Variants in RNF121 observed in about 807,000 individuals in gnomAD.
The protein encoded by RNF121 is ring finger protein 121, also known as E3 ubiquitin ligase RNF121.
In RNF121, 21 loss-of-function variants were observed where a neutral mutation model predicts 46.5. The ratio of observed to expected loss-of-function variants is 0.45; its 90% CI spans 0.32 to 0.65. RNF121 has a LOEUF of 0.65. Ranked by LOEUF, RNF121 falls within the 30% of genes least tolerant of loss-of-function variation. The probability of loss-of-function intolerance (pLI) is 0.04; values close to 1 mark genes in which losing one functional copy is unlikely to be tolerated. For synonymous variants in RNF121, 139 were observed against 144.7 expected (o/e 0.96, Z 0.28); for missense variants, 346 against 416.0 (o/e 0.83, Z 1.46).
At position 71,994,801 on chromosome 11, in the gene RNF121, T is replaced by C. The variant is rs1279720459; in HGVS notation, c.710T>C (p.Val237Ala). Residue 237 changes from valine to alanine, a missense_variant, in exon 7 of 9, where the codon GTC becomes GCC. By Grantham distance (64) the Val-to-Ala change is moderately conservative (BLOSUM62 0). Coordinates refer to ENST00000361756, the MANE Select transcript of RNF121 (RefSeq NM_018320.5). ...AVCGQQIFVD[V>A]SEEGIIENTY... ...TGTGGGCAGCAGATCTTTGTGGACG[T>C]CAGTGAAGAGGGGATCATTGAGAAC... is the stretch of plus-strand genomic sequence containing the variant. 4.3e-6 allele frequency: 7 copies of C among 1,614,044 alleles called. No homozygotes were observed. Among genetic ancestry groups the C allele is most frequent in the Non-Finnish European group, 5.9e-6 (7 of 1,180,044 alleles).
At chr11:71,950,916 C>T (rs1953861484) in intron 1 of RNF121, among the ~76,000 whole-genome samples, 1 of 152,144 alleles carries the variant, frequency 6.6e-6, no homozygotes, top group Non-Finnish European at 1.5e-5. Flanking sequence ...ATTATTATAG[C>T]ATTTTAGCTG....
chr11:71,943,562 A>G (rs976008922), intron 1 of RNF121, among the ~76,000 whole-genome samples: 10 of 152,242 alleles, frequency 6.6e-5, no homozygotes, highest in African/African-American at 2.2e-4. Flanking sequence ...CTGTGAATTT[A>G]CCAAGGTACT....
rs1026788355 is a variant in RNF121, at chr11:71,935,896, A to G, written c.63+6772A>G. Among the ~76,000 whole-genome samples, 4 of 125,618 alleles carry G rather than the reference A, an allele frequency of 3.2e-5. No individual in the cohort carries two copies. The Admixed American group carries it at 4.2e-4, about 13-fold the overall frequency. 82.4% of individuals were successfully genotyped at this position (125,618 alleles called of 152,430 possible). On this transcript the variant is annotated intron_variant, in intron 1 of 8. Coordinates refer to ENST00000361756, the MANE Select transcript of RNF121 (RefSeq NM_018320.5). ...ATGGAGTGTCTCTGTTGTCCAGGCT[A>G]GAGTGCAGTGGCGTGACCTTGGCTC...
chr11:71,986,120 A>G (rs979176328), intron 4 of RNF121, among the ~76,000 whole-genome samples: 2 of 152,132 alleles, frequency 1.3e-5, no homozygotes, highest in Non-Finnish European at 2.9e-5. Context: ...TCCAACTCAA[A>G]GGTACTTCTT....
At chr11:71,950,084 T>G (rs1338370764) in intron 1 of RNF121, among the ~76,000 whole-genome samples, 1 of 151,840 alleles carries the variant, frequency 6.6e-6, no homozygotes, top group East Asian at 1.9e-4. Context: ...AAAAAAGAAT[T>G]CTCTAGCTGT....
intron 1 of RNF121, among the ~76,000 whole-genome samples, chr11:71,951,222 A>AAT (rs1953870703): frequency 1.3e-5 from 2 of 149,570 alleles, no homozygotes; most frequent in African/African-American, 5.0e-5. Context: ...AAAAAAAAAA[A>AAT]TGCAATAATG....
chr11:71,935,805 T>G (rs1296866469), intron 1 of RNF121, among the ~76,000 whole-genome samples: 1 of 151,936 alleles, frequency 6.6e-6, no homozygotes, highest in Non-Finnish European at 1.5e-5. Flanking sequence ...TAAATACTAG[T>G]GAATGACTGA....
chr11:71,973,105 G>T (rs552804785), intron 3 of RNF121, among the ~76,000 whole-genome samples: 13 of 152,030 alleles, frequency 8.6e-5, no homozygotes, highest in Admixed American at 5.9e-4. Context: ...AGAATCGCTT[G>T]AATCCAAGAG....
chr11:71,942,586 AACC>A (rs1249188923), intron 1 of RNF121, among the ~76,000 whole-genome samples: 6 of 151,686 alleles, frequency 4.0e-5, no homozygotes, highest in Non-Finnish European at 8.8e-5. Flanking sequence ...AACATGGTGA[AACC>A]CCGTTTCTAC....
In RNF121 at chr11:71,978,949, A is replaced by G. The variant is rs151318010; in HGVS notation, c.244-3812A>G. 1.2e-4 allele frequency among the ~76,000 whole-genome samples: 18 copies of G among 152,310 alleles called. No individual in the cohort carries two copies. In the East Asian group the frequency reaches 3.3e-3, roughly 28 times the overall value. On this transcript the variant is annotated intron_variant, in intron 3 of 8. Coordinates refer to ENST00000361756, the MANE Select transcript of RNF121 (RefSeq NM_018320.5). The stretch of plus-strand genomic sequence containing the variant: ...TTCAGTGTATCATTTCATTTTGTTC[A>G]TTCTTTAATGATTCCTATTTGGACT...
chr11:71,946,560 G>GA (rs2134159791), intron 1 of RNF121, among the ~76,000 whole-genome samples: 1 of 151,578 alleles, frequency 6.6e-6, no homozygotes, highest in South Asian at 2.1e-4. Context: ...GAAAGGTCCA[G>GA]AAAAGGCAAA....
chr11:71,939,899 C>T lies in RNF121; in HGVS notation c.63+10775C>T, dbSNP rs561161961. Among the ~76,000 whole-genome samples, 25 of 152,248 alleles carry T rather than the reference C, an allele frequency of 1.6e-4. No homozygotes were observed. The East Asian group carries it at 4.6e-3, about 28-fold the overall frequency. ...TTATGGTCTAGTTGGGAGAGGAACC[C>T]ATCAAGTGATAATGACAATATAGTA... is the stretch of plus-strand genomic sequence containing the variant. On this transcript the variant is annotated intron_variant, in intron 1 of 8. Transcript: ENST00000361756.
intron 3 of RNF121, 22 bp from the exon 4 acceptor site, chr11:71,982,739 A>G: frequency 6.3e-7 from 1 of 1,596,758 alleles, no homozygotes; most frequent in Non-Finnish European, 8.5e-7. Flanking sequence ...CCAGAGCTGA[A>G]GTGCTTGTGT....
intron 1 of RNF121, among the ~76,000 whole-genome samples, chr11:71,947,496 G>A (rs1273972748): frequency 7.7e-6 from 1 of 130,524 alleles, no homozygotes; most frequent in African/African-American, 2.8e-5. Context: ...AAAAAAAAAA[G>A]GAATTGGGCA....
intron 1 of RNF121, among the ~76,000 whole-genome samples, chr11:71,937,814 A>T (rs1296917256): frequency 6.6e-6 from 1 of 151,960 alleles, no homozygotes; most frequent in East Asian, 1.9e-4. Context: ...CTGAAATCTT[A>T]CTCCATGGAA....
intron 4 of RNF121, among the ~76,000 whole-genome samples, chr11:71,985,124 A>G (rs1954747906): frequency 6.6e-6 from 1 of 151,980 alleles, no homozygotes; most frequent in South Asian, 2.1e-4. Context: ...ACAAGGTCTT[A>G]CTGAGTTTCC....
chr11:71,960,823 A>G lies in RNF121; in HGVS notation c.175A>G (p.Ile59Val), dbSNP rs767071829. ...AMHAEMVLIL[I>V]ATLVVAQLLL... The stretch of plus-strand genomic sequence containing the variant: ...GCATGCTGAAATGGTCCTCATCCTC[A>G]TCGCAACCTTGGTGGTGGCCCAGCT... Residue 59 changes from isoleucine to valine, a missense_variant, in exon 3 of 9, where the codon ATC becomes GTC. Coordinates refer to ENST00000361756, the MANE Select transcript of RNF121 (RefSeq NM_018320.5). 1 of 1,614,106 alleles carries G rather than the reference A, an allele frequency of 6.2e-7. No individual in the cohort carries two copies. Among genetic ancestry groups the G allele is most frequent in the Non-Finnish European group, 8.5e-7 (1 of 1,180,000 alleles).
intron 3 of RNF121, among the ~76,000 whole-genome samples, chr11:71,964,207 A>G (rs183200336): frequency 1.1e-4 from 17 of 152,236 alleles, no homozygotes; most frequent in African/African-American, 2.2e-4. Flanking sequence ...GTAGTTTTCA[A>G]TGTACAAGTC....
At chr11:71,950,357 A>G (rs1482851133) in intron 1 of RNF121, among the ~76,000 whole-genome samples, 1 of 152,008 alleles carries the variant, frequency 6.6e-6, no homozygotes. Flanking sequence ...GGCCGAGGTT[A>G]GTGGATCACT....
Sources: allele counts gnomAD v4.1 joint callset (sites outside exome capture counted in the v4.1 genomes callset), GRCh38; gene constraint gnomAD v4.1.1; transcripts MANE v1.5; gene names NCBI Gene and HGNC (gene_info 2026-07-23, HGNC 2026-07-21).